The following TMEM117 variants were observed in gnomAD, a reference collection of about 807,000 sequenced individuals.
TMEM117 encodes the protein transmembrane protein 117.
A neutral mutation model predicts 52.4 loss-of-function variants in TMEM117; 27 were observed. The ratio of observed to expected loss-of-function variants is 0.51; its 90% CI spans 0.38 to 0.71. The LOEUF is 0.71. Among genes scored for constraint, TMEM117 ranks in the 30% least tolerant of loss-of-function variants. The pLI, the probability that TMEM117 is intolerant of heterozygous loss-of-function variation, is 0.00. For synonymous variants in TMEM117, 215 were observed against 206.3 expected (o/e 1.04, Z -0.36); for missense variants, 556 against 630.5 (o/e 0.88, Z 1.26).
chr12:43,988,219 C>T lies in TMEM117; in HGVS notation c.410+43877C>T, dbSNP rs535411110. Reference sequence around the variant, plus strand: ...TAATAAGCCTTCACAGAATTGGGCACGTTGGATTCACCTATATATTAAAAA... The same window carrying T: ...TAATAAGCCTTCACAGAATTGGGCATGTTGGATTCACCTATATATTAAAAA... On this transcript the variant is annotated intron_variant, in intron 3 of 7. Coordinates refer to ENST00000266534, the MANE Select transcript of TMEM117 (RefSeq NM_032256.3). Among the ~76,000 whole-genome samples, 5 of 151,770 alleles carry T rather than the reference C, an allele frequency of 3.3e-5. No homozygotes were observed. In the South Asian group the frequency reaches 6.3e-4, roughly 19 times the overall value.
intron 5 of TMEM117, among the ~76,000 whole-genome samples, chr12:44,261,661 T>C (rs565777707): frequency 1.2e-4 from 19 of 152,310 alleles, no homozygotes; most frequent in Non-Finnish European, 2.2e-4. Context: ...GGTACGATGG[T>C]GTTGAATAAT....
intron 2 of TMEM117, among the ~76,000 whole-genome samples, chr12:43,885,414 C>T (rs372997584): frequency 3.8e-4 from 52 of 136,858 alleles, no homozygotes; most frequent in South Asian, 9.1e-4. Flanking sequence ...TTTTTCTTTT[C>T]TTTTCTTTTT....
At chr12:44,333,856 T>TTAGA (rs1393027708) in intron 6 of TMEM117, among the ~76,000 whole-genome samples, 1 of 151,892 alleles carries the variant, frequency 6.6e-6, no homozygotes, top group Non-Finnish European at 1.5e-5. Context: ...GGGAGCCTGG[T>TTAGA]TAGAGTTTAC....
intron 5 of TMEM117, among the ~76,000 whole-genome samples, chr12:44,246,880 T>G (rs193277030): frequency 5.3e-5 from 8 of 152,296 alleles, no homozygotes; most frequent in Non-Finnish European, 2.9e-5. Flanking sequence ...AGTGAGCCGA[T>G]GCTTGATGGT....
At chr12:44,379,016 G>C (rs1189872132) in intron 7 of TMEM117, among the ~76,000 whole-genome samples, 2 of 152,072 alleles carry the variant, frequency 1.3e-5, no homozygotes, top group Admixed American at 1.3e-4. Context: ...GAACGTGGTG[G>C]CTCACACCTA....
chr12:44,152,600 T>C (rs1302856853), intron 4 of TMEM117, among the ~76,000 whole-genome samples: 3 of 125,718 alleles, frequency 2.4e-5, no homozygotes, highest in Non-Finnish European at 4.7e-5. Context: ...TTATATCATA[T>C]ATAAATTTTT....
intron 5 of TMEM117, among the ~76,000 whole-genome samples, chr12:44,282,766 A>G (rs1950593811): frequency 6.6e-6 from 1 of 152,252 alleles, no homozygotes; most frequent in Non-Finnish European, 1.5e-5. Flanking sequence ...CATAAGTAGC[A>G]TGGAGCCTAA....
chr12:43,877,998 C>G (rs1477992629), intron 2 of TMEM117, among the ~76,000 whole-genome samples: 1 of 152,046 alleles, frequency 6.6e-6, no homozygotes, highest in African/African-American at 2.4e-5. Flanking sequence ...AGGATACACT[C>G]AAGTTCTTAA....
chr12:43,956,500 CAAAA>C (rs57544750), intron 3 of TMEM117, among the ~76,000 whole-genome samples: 8 of 83,534 alleles, frequency 9.6e-5, no homozygotes, highest in African/African-American at 3.3e-4. Flanking sequence ...AGACACTTCT[CAAAA>C]AAAAAAAAAA....
intron 5 of TMEM117, among the ~76,000 whole-genome samples, chr12:44,212,507 A>T (rs1366422783): frequency 6.6e-6 from 1 of 152,168 alleles, no homozygotes; most frequent in African/African-American, 2.4e-5. Flanking sequence ...AAGGAAAGAA[A>T]AAAGATCATA....
chr12:44,292,448 G>T (rs1021134513), intron 5 of TMEM117, among the ~76,000 whole-genome samples: 1 of 151,648 alleles, frequency 6.6e-6, no homozygotes, highest in Admixed American at 6.6e-5. Flanking sequence ...GTCTCTATTT[G>T]ATTTATTTTT....
chr12:44,104,527 TG>T (rs34262743), intron 3 of TMEM117, among the ~76,000 whole-genome samples: 1 of 122,414 alleles, frequency 8.2e-6, no homozygotes, highest in Non-Finnish European at 1.8e-5. Context: ...GTCCTGTGAC[TG>T]GTATTATTAT....
At chr12:43,817,930 T>G in the TMEM117 span, among the ~76,000 whole-genome samples, 1 of 152,268 alleles carries the variant, frequency 6.6e-6, no homozygotes, top group African/African-American at 2.4e-5. Context: ...TTAAAAAATA[T>G]AAAGAAACAA....
At chr12:44,218,885 G>C (rs1271253023) in intron 5 of TMEM117, among the ~76,000 whole-genome samples, 1 of 152,108 alleles carries the variant, frequency 6.6e-6, no homozygotes, top group East Asian at 1.9e-4. Context: ...ATTATTAGCT[G>C]TATTTTAAAG....
the TMEM117 span, among the ~76,000 whole-genome samples, chr12:44,398,642 C>A: frequency 6.6e-6 from 1 of 152,178 alleles, no homozygotes; most frequent in African/African-American, 2.4e-5. Flanking sequence ...CTCCTGAGAA[C>A]AGGCCTAACT....
intron 3 of TMEM117, among the ~76,000 whole-genome samples, chr12:43,970,114 T>G (rs1472784711): frequency 6.6e-6 from 1 of 152,060 alleles, no homozygotes; most frequent in Non-Finnish European, 1.5e-5. Flanking sequence ...CATATCCACA[T>G]TGGATATGCA....
chr12:44,387,277 A>C (rs1316636249), intron 7 of TMEM117, among the ~76,000 whole-genome samples: 1 of 151,766 alleles, frequency 6.6e-6, no homozygotes, highest in African/African-American at 2.4e-5. Flanking sequence ...CATTCTTTCC[A>C]TTTGCAAATG....
chr12:43,894,728 A>T (rs970042529), intron 2 of TMEM117, among the ~76,000 whole-genome samples: 6 of 151,858 alleles, frequency 4.0e-5, no homozygotes, highest in Non-Finnish European at 5.9e-5. Context: ...ACTTGATCTC[A>T]TTCTTTTTGT....
At chr12:44,172,111 G>A (rs1042601305) in intron 4 of TMEM117, among the ~76,000 whole-genome samples, 8 of 152,312 alleles carry the variant, frequency 5.3e-5, no homozygotes, top group Middle Eastern at 3.4e-3. Context: ...TGGATTTTAC[G>A]CTGGGGACAG....
Sources: gnomAD v4.1 joint callset for allele counts (sites outside exome capture counted in the v4.1 genomes callset) on GRCh38, gnomAD v4.1.1 for gene constraint, MANE v1.5 for transcripts, NCBI Gene and HGNC (gene_info 2026-07-23, HGNC 2026-07-21) for gene names.